The following PNCK variants were observed in gnomAD, a reference collection of about 807,000 sequenced individuals.
The protein encoded by PNCK is pregnancy up-regulated nonubiquitous CaM kinase.
In PNCK, 21 loss-of-function variants were observed where a neutral mutation model predicts 28.3. The ratio of observed to expected loss-of-function variants is 0.74; its 90% confidence interval spans 0.53 to 1.07. PNCK has a LOEUF of 1.07. Ranked by LOEUF, PNCK falls within the 50% of genes least tolerant of loss-of-function variation. The pLI is 0.00. For missense variants in PNCK, 250 were observed against 298.3 expected (o/e 0.84, Z 1.19); for synonymous variants, 136 against 125.2 (o/e 1.09, Z -0.58).
intron 6 of PNCK, 46 bp downstream of exon 6, chrX:153,671,503 C>A (rs1327376718): frequency 8.3e-7 from 1 of 1,209,039 alleles, no homozygotes; most frequent in Non-Finnish European, 1.1e-6. Context: ...TCTAGGGTCC[C>A]CCAGGCCACC....
At chrX:153,674,574 G>A, upstream of PNCK, 1 of 136,667 alleles carries the variant, frequency 7.3e-6, no homozygotes, top group Non-Finnish European at 1.5e-5. Flanking sequence ...CCCTGCCCCT[G>A]CCAATTCTCT....
upstream of PNCK, among the ~76,000 whole-genome samples, chrX:153,679,143 G>A (rs1372755402): frequency 9.0e-6 from 1 of 111,649 alleles, no homozygotes; most frequent in African/African-American, 3.3e-5. Context: ...ATAAATATAT[G>A]TGGGGTGGTT....
rs782199181 is a variant in PNCK, at chrX:153,672,709, G to A, written c.69-12C>T. On this transcript the variant is annotated splice_polypyrimidine_tract_variant and intron_variant, in intron 2 of 11. Coordinates refer to ENST00000340888, the MANE Select transcript of PNCK (RefSeq NM_001366977.1). ...CGGAGAAGGCACCCCTGCCGCAGAC[G>A]GGGCGGTGGGAGGTGGGAAGGAAGT... 11 of 1,191,745 alleles carry A rather than the reference G, an allele frequency of 9.2e-6. No homozygotes were observed. Among genetic ancestry groups the A allele is most frequent in the Admixed American group, 8.8e-5 (4 of 45,321 alleles).
Position 153,671,005 on chromosome X carries a change from G to A in PNCK, c.728-9C>T, listed in dbSNP as rs2091290528. 1 of 1,210,426 alleles carries A rather than the reference G, an allele frequency of 8.3e-7. No individual in the cohort carries two copies. The highest frequency in any genetic ancestry group is 1.7e-5 in the African/African-American group (1 of 57,260). On this transcript the variant is annotated splice_polypyrimidine_tract_variant and intron_variant, in intron 8 of 11. Coordinates refer to ENST00000340888, the MANE Select transcript of PNCK (RefSeq NM_001366977.1). The stretch of plus-strand genomic sequence containing the variant: ...CCGGATGAAGTCTTTGGCTGGAACA[G>A]GGAGGCTGGGTCAGCCTGTCAGGTC...
rs1319699406 is a variant in PNCK, at chrX:153,673,793, C to T, written c.-16G>A. On this transcript the variant is annotated 5_prime_UTR_variant, in exon 1 of 12. Coordinates refer to ENST00000340888, the MANE Select transcript of PNCK (RefSeq NM_001366977.1). The stretch of plus-strand genomic sequence containing the variant: ...GCAGGTGCAGACCTGGAGCGGGTGC[C>T]GCAGCGTCGTGCCGCGCAGTGGCCG... 5.3e-6 allele frequency: 4 copies of T among 748,942 alleles called. No homozygotes were observed. Among genetic ancestry groups the T allele is most frequent in the Admixed American group, 8.8e-5 (1 of 11,307 alleles). 61.7% of individuals were successfully genotyped at this position (748,942 alleles called of 1,213,427 possible).
chrX:153,680,121 G>A (rs1438567895), intron 1 of PNCK, among the ~76,000 whole-genome samples: 6 of 110,222 alleles, frequency 5.4e-5, no homozygotes, highest in Non-Finnish European at 9.5e-5. Flanking sequence ...TCCTGTACGT[G>A]TCAACTTTGA....
chrX:153,672,848 C>G (rs782567901), intron 2 of PNCK, 151 bp from the exon 3 acceptor site: 72 of 921,639 alleles, frequency 7.8e-5, no homozygotes, highest in Non-Finnish European at 1.1e-4. Flanking sequence ...CTCACACATG[C>G]CATCTCACAG....
intron 1 of PNCK, among the ~76,000 whole-genome samples, chrX:153,684,814 C>T (rs2091410555): frequency 1.1e-5 from 1 of 88,095 alleles, no homozygotes; most frequent in African/African-American, 4.2e-5. Context: ...CCGGCTAGCC[C>T]CCCTCCCCTG....
Position 153,672,195 on chromosome X carries a change from C to T in PNCK, c.206G>A (p.Ser69Asn). The change falls in exon 4 of 12, where the codon AGT becomes AAT. Residue 69 changes from serine to asparagine, a missense_variant. Coordinates refer to ENST00000340888, the MANE Select transcript of PNCK (RefSeq NM_001366977.1). ...ENEIAVLRRISHPNIVALEDV... is the reference protein window; with the variant it reads ...ENEIAVLRRINHPNIVALEDV... ...CTCCAGAGCGACGATGTTGGGGTGA[C>T]TGATCCTGCAATGGCAAGGAAGCGC... is the stretch of plus-strand genomic sequence containing the variant. 8.3e-7 allele frequency: 1 copy of T among 1,203,884 alleles called. No homozygotes were observed. The highest frequency in any genetic ancestry group is 1.1e-6 in the Non-Finnish European group (1 of 891,498).
intron 1 of PNCK, among the ~76,000 whole-genome samples, chrX:153,681,261 G>C (rs182342489): frequency 1.8e-5 from 2 of 111,446 alleles, no homozygotes; most frequent in East Asian, 5.6e-4. Flanking sequence ...TGTAGATACT[G>C]CCCCTCCAGG....
chrX:153,681,301 C>A (rs781831654), intron 1 of PNCK, among the ~76,000 whole-genome samples: 1 of 111,437 alleles, frequency 9.0e-6, no homozygotes, highest in Non-Finnish European at 1.9e-5. Context: ...CTGGGCCTCA[C>A]GGAGCGGCTT....
rs1557039851 is a variant in PNCK at position 153,671,609 on chromosome X, G to A, written c.478C>T (p.Leu160Phe). The A allele has an allele frequency of 8.3e-7, 1 of 1,209,207 alleles. No homozygotes were observed. The highest frequency in any genetic ancestry group is 3.0e-5 in the East Asian group (1 of 33,838). ...DSKIMVSDFGLSKIQAGNMLG... is the reference protein window; with the variant it reads ...DSKIMVSDFGFSKIQAGNMLG... Reference sequence around the variant, plus strand: ...ATGTTCCCAGCCTGGATTTTGGAGAGTCCAAAGTCAGAGACCATGATCTTC... The same window carrying A: ...ATGTTCCCAGCCTGGATTTTGGAGAATCCAAAGTCAGAGACCATGATCTTC... Residue 160 changes from leucine (L) to phenylalanine (F), a missense_variant, in exon 6 of 12, where the codon CTC becomes TTC. Leu to Phe is a conservative substitution (Grantham distance 22, BLOSUM62 0). Transcript: ENST00000340888.
upstream of PNCK, among the ~76,000 whole-genome samples, chrX:153,675,443 G>A (rs531790530): frequency 2.1e-4 from 24 of 112,035 alleles, no homozygotes; most frequent in South Asian, 5.6e-3. Flanking sequence ...TGGTCCACGA[G>A]GTGACTCAGG....
rs1557039999 is a variant in PNCK, at chrX:153,671,891, G to A, written c.403C>T (p.Arg135Trp). 7 of 1,208,490 alleles carry A rather than the reference G, an allele frequency of 5.8e-6. No individual in the cohort carries two copies. Among genetic ancestry groups the A allele is most frequent in the Non-Finnish European group, 7.8e-6 (7 of 894,528 alleles). The stretch of plus-strand genomic sequence containing the variant: ...CCCCAGCCAGGCACCTTGAGGTCCC[G>A]GTGCACGATCCCCAGGCTGTGCAGG... ...SYLHSLGIVH[R>W]DLKPENLLYA... Residue 135 changes from arginine to tryptophan, a missense_variant, in exon 5 of 12, where the codon CGG becomes TGG. Coordinates refer to ENST00000340888, the MANE Select transcript of PNCK (RefSeq NM_001366977.1).
chrX:153,683,843 G>T (rs2091405646), intron 1 of PNCK, among the ~76,000 whole-genome samples: 1 of 111,877 alleles, frequency 8.9e-6, no homozygotes, highest in South Asian at 3.7e-4. Context: ...GGTCTATGTG[G>T]TCCGGGTGGA....
chrX:153,671,103 A>G lies in PNCK; in HGVS notation c.702T>C (p.Pro234=). The change falls in exon 8 of 12, where the codon CCT becomes CCC. Residue 234 remains proline (P), a synonymous_variant. Coordinates refer to ENST00000340888, the MANE Select transcript of PNCK (RefSeq NM_001366977.1). The stretch of plus-strand genomic sequence containing the variant: ...CTGATTCTGAGATGTCATCCCAGAA[A>G]GGAGAGTCAAACTCATAGCTGGCCC... ...ILRASYEFDS[P]FWDDISESAK... The G allele has an allele frequency of 8.3e-7, 1 of 1,212,115 alleles. No individual in the cohort carries two copies. Among genetic ancestry groups the G allele is most frequent in the Non-Finnish European group, 1.1e-6 (1 of 895,567 alleles).
At chrX:153,674,884 T>A (rs1334499468), upstream of PNCK, 1 of 109,652 alleles carries the variant, frequency 9.1e-6, no homozygotes, top group Non-Finnish European at 1.9e-5. Flanking sequence ...GCAGGAAGAG[T>A]TTTTAAAAAA....
chrX:153,682,576 A>G (rs782624574), intron 1 of PNCK, among the ~76,000 whole-genome samples: 1 of 112,445 alleles, frequency 8.9e-6, no homozygotes, highest in South Asian at 3.7e-4. Context: ...ACCTGCACAT[A>G]TACATCCAGA....
Position 153,685,098 on chromosome X carries a change from G to C in PNCK, c.-3+2333C>G, listed in dbSNP as rs782297107. Among the ~76,000 whole-genome samples the C allele has an allele frequency of 8.5e-5, 9 of 105,521 alleles. No individual in the cohort carries two copies. The South Asian group carries it at 3.6e-3, about 43-fold the overall frequency. The allele number at this position is 105,521 out of a possible 115,157, so 91.6% of individuals were successfully genotyped here. The stretch of plus-strand genomic sequence containing the variant: ...GCTCGGAACCCCCCTTCAGTGAGTA[G>C]AACACAAGGGCCTGGCAAGACAGGC... On this transcript the variant is annotated intron_variant, in intron 1 of 3. Transcript: ENST00000419804.
Sources: allele counts gnomAD v4.1 joint callset (sites outside exome capture counted in the v4.1 genomes callset), GRCh38; gene constraint gnomAD v4.1.1; transcripts MANE v1.5; gene names NCBI Gene and HGNC (gene_info 2026-07-23, HGNC 2026-07-21).